SLC9A1: variants seen among roughly 807,000 people sequenced by gnomAD.
The protein encoded by SLC9A1 is solute carrier family 9 member A1.
In SLC9A1, 22 loss-of-function variants were observed where a neutral mutation model predicts 67.9. The ratio of observed to expected loss-of-function variants is 0.32; its 90% CI spans 0.23 to 0.46. The LOEUF is 0.46. Among genes scored for constraint, SLC9A1 ranks in the 20% least tolerant of loss-of-function variants. The pLI is 1.00. For synonymous variants in SLC9A1, 421 were observed against 471.8 expected, an observed-to-expected ratio of 0.89 and a Z score of 1.40; for missense variants, 686 against 1,094.8, an observed-to-expected ratio of 0.63 and a Z score of 5.27.
At chr1:27,116,079 G>C (rs1237895549) in intron 1 of SLC9A1, among the ~76,000 whole-genome samples, 1 of 152,138 alleles carries the variant, frequency 6.6e-6, no homozygotes, top group South Asian at 2.1e-4. Flanking sequence ...CACACTGCTG[G>C]CTGGGCACGG....
intron 1 of SLC9A1, among the ~76,000 whole-genome samples, chr1:27,119,568 A>G (rs1181053953): frequency 6.6e-6 from 1 of 152,100 alleles, no homozygotes; most frequent in Non-Finnish European, 1.5e-5. Context: ...CCAGCACTCT[A>G]CAGTTTACAG....
rs2083251921 is a variant in SLC9A1, at chr1:27,114,368, G to A, written c.353-82C>T. On this transcript the variant is annotated intron_variant, in intron 1 of 11. Coordinates refer to ENST00000263980, the MANE Select transcript of SLC9A1 (RefSeq NM_003047.5). This position sits in a 1 kb window ranked among gnomAD's most constrained non-coding sequence, Gnocchi z 5.4. ...AAGGTTGGGGATGGGCCGGGGATGAGGAGCGCAGTTGGTGAGAGGTGCACA... is the reference window on the plus strand; with the variant it reads ...AAGGTTGGGGATGGGCCGGGGATGAAGAGCGCAGTTGGTGAGAGGTGCACA... 8.7e-7 allele frequency: 1 copy of A among 1,151,126 alleles called. No homozygotes were observed. The highest frequency in any genetic ancestry group is 1.5e-5 in the African/African-American group (1 of 64,758). 71.3% of individuals were successfully genotyped at this position (1,151,126 alleles called of 1,614,324 possible).
At chr1:27,133,634 T>C (rs1260452653) in intron 1 of SLC9A1, among the ~76,000 whole-genome samples, 1 of 152,108 alleles carries the variant, frequency 6.6e-6, no homozygotes, top group Non-Finnish European at 1.5e-5. Context: ...ATGTGCCCTA[T>C]TGGGTCAGCA....
chr1:27,115,366 C>A (rs879744984), intron 1 of SLC9A1, among the ~76,000 whole-genome samples: 3 of 152,074 alleles, frequency 2.0e-5, no homozygotes, highest in Non-Finnish European at 4.4e-5. Flanking sequence ...CAGGTATGGC[C>A]AGAGAACCCT....
rs1557736639 is a variant in SLC9A1, at chr1:27,102,514, G to A, written c.1691C>T (p.Ala564Val). 6.2e-7 allele frequency: 1 copy of A among 1,609,560 alleles called. No individual in the cohort carries two copies. Among genetic ancestry groups the A allele is most frequent in the Non-Finnish European group, 8.5e-7 (1 of 1,176,472 alleles). The change falls in exon 8 of 12, where the codon GCT becomes GTT. Residue 564 changes from alanine to valine, a missense_variant. By Grantham distance (64) the Ala-to-Val change is moderately conservative (BLOSUM62 0). Around this residue, in one of 7 missense-constraint regions of SLC9A1, gnomAD observed 168 missense variants for 375.4 expected, o/e 0.45. Transcript: ENST00000263980. ...NKKYVKKCLI[A>V]GERSKEPQLI... ...CTGGGGCTCCTTGGAGCGCTCGCCA[G>A]CTATCAGACACTTCTTCACATATTT...
In SLC9A1 at chr1:27,118,897, C is replaced by T. The variant is rs563989922; in HGVS notation, c.353-4611G>A. Among the ~76,000 whole-genome samples, 99 of 152,270 alleles carry T rather than the reference C, an allele frequency of 6.5e-4. 1 individual carries two copies. The highest frequency in any genetic ancestry group is 6.8e-3 in the Middle Eastern group (2 of 294). On this transcript the variant is annotated intron_variant, in intron 1 of 11. Coordinates refer to ENST00000263980, the MANE Select transcript of SLC9A1 (RefSeq NM_003047.5). This position sits in a 1 kb window ranked among gnomAD's most constrained non-coding sequence, Gnocchi z 4.3. Reference sequence around the variant, plus strand: ...GTCCAGTCCTCCCAGAACAAGGAGGCACGAAAGTGTGGAATTCAACATCTC... The same window carrying T: ...GTCCAGTCCTCCCAGAACAAGGAGGTACGAAAGTGTGGAATTCAACATCTC...
intron 1 of SLC9A1, among the ~76,000 whole-genome samples, chr1:27,143,046 T>TAAAAAAAAAAAAAAAAAAAAA (rs55970751): frequency 1.0e-5 from 1 of 98,462 alleles, no homozygotes. Context: ...ATCAACTGTG[T>TAAAAAAAAAAAAAAAAAAAAA]AAAAAAAAAA....
At chr1:27,141,700 A>T (rs1245585284) in intron 1 of SLC9A1, among the ~76,000 whole-genome samples, 1 of 152,230 alleles carries the variant, frequency 6.6e-6, no homozygotes, top group Non-Finnish European at 1.5e-5. Context: ...CCAGGCAGGC[A>T]GTGCTCAGTC....
intron 8 of SLC9A1, 126 bp from the exon 9 acceptor site, chr1:27,102,256 C>T (rs1168065611): frequency 4.9e-5 from 66 of 1,339,318 alleles, no homozygotes; most frequent in South Asian, 2.6e-4. Context: ...GTCCTTGGTG[C>T]GAGCCCACAG....
chr1:27,132,374 G>A (rs912997331), intron 1 of SLC9A1, among the ~76,000 whole-genome samples: 5 of 152,034 alleles, frequency 3.3e-5, no homozygotes, highest in Non-Finnish European at 7.4e-5. Flanking sequence ...TCTGGGTCTC[G>A]GGTTTGCTCG....
chr1:27,104,112 T>G (rs2083167541), intron 5 of SLC9A1: 1 of 148,512 alleles, frequency 6.7e-6, no homozygotes, highest in Admixed American at 6.7e-5. Flanking sequence ...GATGGAGTCT[T>G]GCTCTGTCAC....
intron 1 of SLC9A1, among the ~76,000 whole-genome samples, chr1:27,148,585 G>A (rs2083504816): frequency 6.6e-6 from 1 of 152,076 alleles, no homozygotes; most frequent in African/African-American, 2.4e-5. Flanking sequence ...GGTCACAACC[G>A]AAGGCTCAAT....
chr1:27,146,362 G>A (rs1169027058), intron 1 of SLC9A1, among the ~76,000 whole-genome samples: 2 of 152,184 alleles, frequency 1.3e-5, no homozygotes, highest in Admixed American at 1.3e-4. Context: ...AGTGGGACTT[G>A]GAGTGGGTCA....
intron 1 of SLC9A1, among the ~76,000 whole-genome samples, chr1:27,129,106 A>C (rs566750330): frequency 6.6e-6 from 1 of 152,330 alleles, no homozygotes; most frequent in South Asian, 2.1e-4. Flanking sequence ...TCTCCTAAAC[A>C]GGCACCTGAG....
chr1:27,103,857 C>G (rs1340038102), intron 5 of SLC9A1: 4 of 155,190 alleles, frequency 2.6e-5, no homozygotes, highest in Admixed American at 2.5e-4. Context: ...GAAACTGAGG[C>G]TCAGAGAGGA....
intron 1 of SLC9A1, among the ~76,000 whole-genome samples, chr1:27,115,736 A>C (rs1440780824): frequency 2.1e-5 from 3 of 140,286 alleles, no homozygotes; most frequent in Admixed American, 2.1e-4. Flanking sequence ...GCCCAGCCTC[A>C]AAAAAAAAAA....
intron 1 of SLC9A1, among the ~76,000 whole-genome samples, chr1:27,124,166 C>T (rs2083325317): frequency 6.6e-6 from 1 of 152,046 alleles, no homozygotes; most frequent in African/African-American, 2.4e-5. Context: ...TACCAGTTTG[C>T]CCCACACCTG....
In SLC9A1 at chr1:27,146,357, G is replaced by A. The variant is rs115041896; in HGVS notation, c.352+7626C>T. On this transcript the variant is annotated intron_variant, in intron 1 of 11. Transcript: ENST00000263980. ...AGAAAGGTTATTTGCTTCACAGTGG[G>A]ACTTGGAGTGGGTCAGCTTTTTCCC... Among the ~76,000 whole-genome samples the A allele has an allele frequency of 7.2e-3, 1,102 of 152,280 alleles. 16 individuals carry two copies. The highest frequency in any genetic ancestry group is 0.025 in the African/African-American group (1,037 of 41,544).
Position 27,100,606 on chromosome 1 carries a change from T to C in SLC9A1, c.2149A>G (p.Ile717Val), listed in dbSNP as rs769630690. 6.2e-7 allele frequency: 1 copy of C among 1,613,104 alleles called. No individual in the cohort carries two copies. The highest frequency in any genetic ancestry group is 8.5e-7 in the Non-Finnish European group (1 of 1,179,380). The change falls in exon 12 of 12, where the codon ATC becomes GTC. Residue 717 changes from isoleucine to valine, a missense_variant. Physicochemically the swap from Ile to Val is conservative, Grantham distance 29 (BLOSUM62 3). Around this residue, in one of 7 missense-constraint regions of SLC9A1, gnomAD observed 226 missense variants for 282.4 expected, o/e 0.80. Coordinates refer to ENST00000263980, the MANE Select transcript of SLC9A1 (RefSeq NM_003047.5). The surrounding 1 kb of genome is among the most constrained non-coding windows in gnomAD (Gnocchi z 5.6). ...TGCGGGGAAGCCGGGTCGATGGTGA[T>C]GACAGGCAGGTCCTCCTTCGGCTCA... ...AYEPKEDLPV[I>V]TIDPASPQSP...
Sources: gnomAD v4.1 joint callset for allele counts (sites outside exome capture counted in the v4.1 genomes callset) on GRCh38, gnomAD v4.1.1 for gene constraint, gnomAD v4.1.1 regional missense constraint, Gnocchi (gnomAD v3.1) non-coding constraint, MANE v1.5 for transcripts, NCBI Gene and HGNC (gene_info 2026-07-23, HGNC 2026-07-21) for gene names.